SUDS3: variants seen among roughly 807,000 people sequenced by gnomAD.
The protein encoded by SUDS3 is SIN3A corepressor complex component SDS3.
A neutral mutation model predicts 53.5 loss-of-function variants in SUDS3; 23 were observed. The observed-to-expected ratio is 0.43, with a 90% CI of 0.31 to 0.61. The LOEUF (loss-of-function observed/expected upper bound fraction) is 0.61, where lower values mean the gene tolerates loss of function less well. Ranked by LOEUF, SUDS3 falls within the 20% of genes least tolerant of loss-of-function variation. SUDS3 has a pLI of 0.10. For missense variants in SUDS3, 291 were observed against 405.9 expected (o/e 0.72, Z 2.43); for synonymous variants, 150 against 148.5 (o/e 1.01, Z -0.08).
chr12:118,395,881 C>CG (rs1566203304), intron 6 of SUDS3, among the ~76,000 whole-genome samples: 1 of 151,634 alleles, frequency 6.6e-6, no homozygotes, highest in African/African-American at 2.4e-5. Context: ...TTAGTAGAGA[C>CG]GGGGTTTCAC....
At chr12:118,407,380 T>G (rs959645869) in intron 10 of SUDS3, among the ~76,000 whole-genome samples, 4 of 152,188 alleles carry the variant, frequency 2.6e-5, no homozygotes, top group Non-Finnish European at 5.9e-5. Context: ...GGAAGCATGT[T>G]GGCCACCTCT....
At chr12:118,394,343 TG>T (rs1449612580) in intron 6 of SUDS3, among the ~76,000 whole-genome samples, 6 of 152,226 alleles carry the variant, frequency 3.9e-5, no homozygotes, top group Admixed American at 2.6e-4. Flanking sequence ...CCTTTGACCT[TG>T]GGGGTATCGC....
intron 6 of SUDS3, among the ~76,000 whole-genome samples, chr12:118,391,815 C>G (rs891403892): frequency 6.6e-6 from 1 of 152,296 alleles, no homozygotes; most frequent in African/African-American, 2.4e-5. Context: ...TTAGATCTCT[C>G]CTGCCAGGTG....
intron 10 of SUDS3, among the ~76,000 whole-genome samples, chr12:118,409,977 C>G (rs2046344028): frequency 6.6e-6 from 1 of 152,246 alleles, no homozygotes; most frequent in African/African-American, 2.4e-5. Flanking sequence ...AGGGGAGTGT[C>G]TGTCTTATCT....
chr12:118,380,687 A>G (rs1198251976), intron 2 of SUDS3, among the ~76,000 whole-genome samples: 2 of 152,212 alleles, frequency 1.3e-5, no homozygotes, highest in African/African-American at 4.8e-5. Context: ...GCCGTACAAC[A>G]GGAGAGGACC....
chr12:118,404,745 C>A (rs17441047), intron 10 of SUDS3, among the ~76,000 whole-genome samples: 17,441 of 152,090 alleles, frequency 0.11, 1,263 homozygotes, highest in Middle Eastern at 0.18. Context: ...TAAGGTGTCT[C>A]ATTATCATTT....
At chr12:118,377,687 T>TGGA (rs1252630058) in intron 1 of SUDS3, among the ~76,000 whole-genome samples, 1 of 151,864 alleles carries the variant, frequency 6.6e-6, no homozygotes, top group African/African-American at 2.4e-5. Flanking sequence ...TTTGGAGGGA[T>TGGA]GGAGGAGGAG....
chr12:118,380,280 C>G, intron 2 of SUDS3, 49 bp downstream of exon 2: 1 of 1,484,428 alleles, frequency 6.7e-7, no homozygotes, highest in Non-Finnish European at 9.2e-7. Flanking sequence ...TTGACAACAT[C>G]TTTATATAGA....
At chr12:118,382,816 C>A (rs967029396) in intron 2 of SUDS3, among the ~76,000 whole-genome samples, 2 of 145,156 alleles carry the variant, frequency 1.4e-5, no homozygotes, top group African/African-American at 5.2e-5. Flanking sequence ...TACAGGCGCC[C>A]ACCACCACGT....
intron 10 of SUDS3, chr12:118,404,101 A>G (rs17441033): frequency 0.12 from 17,523 of 152,206 alleles, 1,277 homozygotes; most frequent in Middle Eastern, 0.2. Flanking sequence ...CTGTATCCTA[A>G]AACATTCCTA....
At chr12:118,390,001 CA>C in intron 5 of SUDS3, 55 bp downstream of exon 5, 14 of 1,606,590 alleles carry the variant, frequency 8.7e-6, no homozygotes, top group Non-Finnish European at 1.1e-5. Flanking sequence ...TGGAATCTTG[CA>C]GTCCTGATCT....
intron 4 of SUDS3, among the ~76,000 whole-genome samples, chr12:118,388,257 C>T (rs751241100): frequency 2.0e-5 from 3 of 152,182 alleles, no homozygotes; most frequent in Non-Finnish European, 4.4e-5. Context: ...CTGTCAACAA[C>T]TGTTAACATC....
At chr12:118,384,964 G>A (rs1257502376) in intron 3 of SUDS3, among the ~76,000 whole-genome samples, 2 of 152,178 alleles carry the variant, frequency 1.3e-5, no homozygotes, top group Non-Finnish European at 2.9e-5. Flanking sequence ...GCAAAATGAA[G>A]CAAGTAAGAG....
intron 10 of SUDS3, among the ~76,000 whole-genome samples, chr12:118,405,761 G>C (rs1410691541): frequency 6.6e-6 from 1 of 152,172 alleles, no homozygotes; most frequent in Non-Finnish European, 1.5e-5. Flanking sequence ...GTGTTCACTG[G>C]TGCAGTGCCA....
chr12:118,410,635 C>T (rs1027070398), intron 10 of SUDS3, among the ~76,000 whole-genome samples: 9 of 151,330 alleles, frequency 5.9e-5, no homozygotes, highest in Admixed American at 2.0e-4. Flanking sequence ...CTTGCTCTGT[C>T]GCCCAGGCTG....
chr12:118,380,314 T>C lies in SUDS3; in HGVS notation c.212+83T>C, dbSNP rs185515014. 4,983 of 1,233,206 alleles carry C rather than the reference T, an allele frequency of 4.0e-3. 26 individuals are homozygous for C. The highest frequency in any genetic ancestry group is 3.9e-3 in the Non-Finnish European group (3,400 of 877,204). The allele number at this position is 1,233,206 out of a possible 1,614,324, so 76.4% of individuals were successfully genotyped here. On this transcript the variant is annotated intron_variant, in intron 2 of 11. Transcript: ENST00000543473. Reference sequence around the variant, plus strand: ...GATTGAGCATCCCAAATCTGAAATCTCAGATGCTCCAAAATCTAAAACTTC... The same window carrying C: ...GATTGAGCATCCCAAATCTGAAATCCCAGATGCTCCAAAATCTAAAACTTC...
intron 1 of SUDS3, among the ~76,000 whole-genome samples, chr12:118,377,472 G>A (rs2046010608): frequency 6.6e-6 from 1 of 152,086 alleles, no homozygotes; most frequent in Admixed American, 6.5e-5. Context: ...TGCGCATAAA[G>A]TACTTGGCCT....
chr12:118,412,423 A>C (rs2046367135), intron 11 of SUDS3, among the ~76,000 whole-genome samples: 1 of 152,204 alleles, frequency 6.6e-6, no homozygotes, highest in African/African-American at 2.4e-5. Context: ...CCTGAATTGA[A>C]AATGCCCTGA....
intron 4 of SUDS3, among the ~76,000 whole-genome samples, chr12:118,389,722 G>T (rs1430672859): frequency 6.6e-6 from 1 of 152,186 alleles, no homozygotes. Context: ...CGCCATGTTG[G>T]CAGGCTGGCA....
Sources: allele counts gnomAD v4.1 joint callset (sites outside exome capture counted in the v4.1 genomes callset), GRCh38; gene constraint gnomAD v4.1.1; transcripts MANE v1.5; gene names NCBI Gene and HGNC (gene_info 2026-07-23, HGNC 2026-07-21).